ACSS2: variants seen among roughly 807,000 people sequenced by gnomAD.
ACSS2 encodes acyl-CoA synthetase short chain family member 2.
In ACSS2, 58 loss-of-function variants were observed where a neutral mutation model predicts 90.6. That is an observed-to-expected ratio of 0.64 (90% CI 0.52 to 0.80). ACSS2 has a LOEUF of 0.80. Ranked by LOEUF, ACSS2 falls within the 30% of genes least tolerant of loss-of-function variation. The probability of loss-of-function intolerance (pLI) is 0.00; values close to 1 mark genes in which losing one functional copy is unlikely to be tolerated. For synonymous variants in ACSS2, 300 were observed against 330.9 expected (o/e 0.91, Z 1.01); for missense variants, 759 against 912.0 (o/e 0.83, Z 2.16).
chr20:34,890,877 G>A (rs2080317178), intron 2 of ACSS2, among the ~76,000 whole-genome samples: 2 of 148,792 alleles, frequency 1.3e-5, no homozygotes, highest in Non-Finnish European at 3.0e-5. Flanking sequence ...TCCTGAATAT[G>A]AATTCCATAG....
At chr20:34,892,914 T>C (rs147352514) in intron 2 of ACSS2, among the ~76,000 whole-genome samples, 1 of 152,300 alleles carries the variant, frequency 6.6e-6, no homozygotes, top group African/African-American at 2.4e-5. Context: ...AATGAAGTGA[T>C]ACTGAGTCCA....
chr20:34,919,497 G>A lies in ACSS2; in HGVS notation c.897G>A (p.Glu299=), dbSNP rs1297169657. 3 of 1,612,860 alleles carry A rather than the reference G, an allele frequency of 1.9e-6. No individual in the cohort carries two copies. The Admixed American group carries it at 5.0e-5, about 27-fold the overall frequency. The change falls in exon 8 of 18, where the codon GAG becomes GAA. Residue 299 remains glutamate, a synonymous_variant. Coordinates refer to ENST00000360596, the MANE Select transcript of ACSS2 (RefSeq NM_018677.4). ...AGCTCATGCAAGAGGCAGGGGATGA[G>A]TGTGAGCCCGAGTGGTGTGATGCCG... ...WHELMQEAGD[E]CEPEWCDAED...
At chr20:34,884,728 T>C (rs1568963675) in intron 2 of ACSS2, among the ~76,000 whole-genome samples, 1 of 152,210 alleles carries the variant, frequency 6.6e-6, no homozygotes, top group Non-Finnish European at 1.5e-5. Flanking sequence ...CTTGGGCTCA[T>C]TTCCCAGGCT....
intron 2 of ACSS2, among the ~76,000 whole-genome samples, chr20:34,890,197 T>G (rs1282134765): frequency 2.8e-5 from 4 of 143,882 alleles, no homozygotes; most frequent in African/African-American, 1.0e-4. Context: ...AGGGAGAAAG[T>G]GAAAGGAAAG....
Position 34,876,664 on chromosome 20 carries a change from C to A in ACSS2, c.19C>A (p.Arg7=). The change falls in exon 1 of 18, where the codon CGG becomes AGG. Residue 7 remains arginine (R), a synonymous_variant. Coordinates refer to ENST00000360596, the MANE Select transcript of ACSS2 (RefSeq NM_018677.4). ...TGACGTGATGGGGCTTCCTGAGGAG[C>A]GGGTCCGGAGCGGCAGCGGGAGCCG... is the stretch of plus-strand genomic sequence containing the variant. MGLPEE[R]VRSGSGSRGQ... is the part of the protein sequence containing the mutation. The A allele has an allele frequency of 7.2e-7, 1 of 1,392,914 alleles. No individual in the cohort carries two copies. Among genetic ancestry groups the A allele is most frequent in the Non-Finnish European group, 9.4e-7 (1 of 1,066,610 alleles). The allele number at this position is 1,392,914 out of a possible 1,614,324, so 86.3% of individuals were successfully genotyped here.
intron 2 of ACSS2, among the ~76,000 whole-genome samples, chr20:34,890,134 C>A (rs1247572646): frequency 1.3e-5 from 2 of 152,030 alleles, no homozygotes; most frequent in African/African-American, 4.8e-5. Flanking sequence ...CTATTTTTTT[C>A]ATTATGGAAA....
At position 34,899,361 on chromosome 20, in the gene ACSS2, C is replaced by G. The variant is rs528629940; in HGVS notation, c.375-13735C>G. Among the ~76,000 whole-genome samples the G allele has an allele frequency of 2.0e-5, 3 of 152,270 alleles. No homozygotes were observed. In the East Asian group the frequency reaches 5.8e-4, roughly 29 times the overall value. ...TGTGAGGACTGCCAGCACGCTGTCA[C>G]CTCTCAACGTTATCACATTTTTTTC... On this transcript the variant is annotated intron_variant, in intron 2 of 17. Transcript: ENST00000360596.
chr20:34,890,203 G>C (rs1248415415), intron 2 of ACSS2, among the ~76,000 whole-genome samples: 1 of 152,144 alleles, frequency 6.6e-6, no homozygotes, highest in South Asian at 2.1e-4. Context: ...AAAGTGAAAG[G>C]AAAGAGTCAA....
chr20:34,888,698 G>A (rs2080258023), intron 2 of ACSS2, among the ~76,000 whole-genome samples: 1 of 152,186 alleles, frequency 6.6e-6, no homozygotes, highest in South Asian at 2.1e-4. Context: ...ACAGTGCAGA[G>A]TGGGAGCTGA....
chr20:34,898,211 G>C, intron 2 of ACSS2, among the ~76,000 whole-genome samples: 1 of 152,192 alleles, frequency 6.6e-6, no homozygotes, highest in Admixed American at 6.5e-5. Context: ...CCACAGTGTG[G>C]AAGGGGACCT....
intron 2 of ACSS2, among the ~76,000 whole-genome samples, chr20:34,894,928 G>A (rs1312090274): frequency 2.6e-5 from 4 of 152,070 alleles, no homozygotes; most frequent in African/African-American, 9.7e-5. Flanking sequence ...ATTACCTGAG[G>A]ATGTCGTTAG....
intron 2 of ACSS2, among the ~76,000 whole-genome samples, chr20:34,896,221 C>T (rs2080455830): frequency 6.6e-6 from 1 of 152,204 alleles, no homozygotes; most frequent in South Asian, 2.1e-4. Context: ...GTATTTGGAT[C>T]AAGGCCTGAA....
intron 2 of ACSS2, among the ~76,000 whole-genome samples, chr20:34,896,683 G>A (rs2080468724): frequency 6.6e-6 from 1 of 152,188 alleles, no homozygotes; most frequent in East Asian, 1.9e-4. Flanking sequence ...TCATAATCCA[G>A]TGAGGGAAAC....
At position 34,921,837 on chromosome 20, in the gene ACSS2, G is replaced by A. The variant is rs372652815; in HGVS notation, c.1519G>A (p.Glu507Lys). 2.5e-6 allele frequency: 4 copies of A among 1,613,966 alleles called. No individual in the cohort carries two copies. The highest frequency in any genetic ancestry group is 2.5e-6 in the Non-Finnish European group (3 of 1,179,980). Residue 507 changes from glutamate (E) to lysine (K), a missense_variant, in exon 13 of 18, where the codon GAG becomes AAG. Coordinates refer to ENST00000360596, the MANE Select transcript of ACSS2 (RefSeq NM_018677.4). Reference protein sequence around the residue: ...APAILNESGEELEGEAEGYLV... With the variant: ...APAILNESGEKLEGEAEGYLV... ...TGCAATCCTGAATGAGTCCGGGGAAGAGTTGGAAGGTGAAGCTGAAGGTTA... is the reference window on the plus strand; with the variant it reads ...TGCAATCCTGAATGAGTCCGGGGAAAAGTTGGAAGGTGAAGCTGAAGGTTA...
At chr20:34,876,117 T>C (rs867706845), upstream of ACSS2, among the ~76,000 whole-genome samples, 5 of 152,228 alleles carry the variant, frequency 3.3e-5, no homozygotes, top group Non-Finnish European at 4.4e-5. Context: ...CGATGGACCT[T>C]ACTCAACTCC....
intron 2 of ACSS2, among the ~76,000 whole-genome samples, chr20:34,887,689 C>T (rs1043445190): frequency 5.9e-5 from 9 of 151,734 alleles, no homozygotes; most frequent in African/African-American, 1.9e-4. Flanking sequence ...TGTAGTGAGC[C>T]GAGATCGTGC....
chr20:34,906,219 C>T (rs920745841), intron 2 of ACSS2, among the ~76,000 whole-genome samples: 1 of 151,636 alleles, frequency 6.6e-6, no homozygotes, highest in Non-Finnish European at 1.5e-5. Context: ...CCTGTGGTCC[C>T]AGCTACTCGG....
chr20:34,924,695 TTG>T (rs1600365396), intron 14 of ACSS2, among the ~76,000 whole-genome samples: 4 of 108,834 alleles, frequency 3.7e-5, no homozygotes, highest in Non-Finnish European at 8.2e-5. Flanking sequence ...GTTGTTGTTG[TTG>T]TTGTTGTTTG....
chr20:34,875,008 C>A, upstream of ACSS2: 1 of 532,150 alleles, frequency 1.9e-6, no homozygotes, highest in South Asian at 1.4e-5. Flanking sequence ...GTGTAGGCTT[C>A]AGGAGGTGGG....
Sources: gnomAD v4.1 joint callset for allele counts (sites outside exome capture counted in the v4.1 genomes callset) on GRCh38, gnomAD v4.1.1 for gene constraint, MANE v1.5 for transcripts, NCBI Gene and HGNC (gene_info 2026-07-23, HGNC 2026-07-21) for gene names.